TMEM131: variants seen among roughly 807,000 people sequenced by gnomAD.
TMEM131 encodes the protein transmembrane protein 131, also known as 2610524E03Rik.
Under a neutral mutation model 211.6 loss-of-function variants are expected in TMEM131, and 66 were observed. The ratio of observed to expected loss-of-function variants is 0.31; its 90% confidence interval spans 0.26 to 0.38. TMEM131 has a LOEUF of 0.38. TMEM131 is among the 10% of genes least tolerant of loss of function. The pLI is 1.00. For missense variants in TMEM131, 2,036 were observed against 2,299.3 expected (o/e 0.89, Z 2.34); for synonymous variants, 844 against 841.3 (o/e 1.00, Z -0.06).
At chr2:97,759,294 A>G (rs1032579463) in intron 39 of TMEM131, 2 of 565,550 alleles carry the variant, frequency 3.5e-6, no homozygotes, top group East Asian at 5.9e-5. Flanking sequence ...CCACTCTCAC[A>G]TGATAGCTAA....
intron 12 of TMEM131, 58 bp downstream of exon 12, chr2:97,818,555 G>A: frequency 1.8e-6 from 2 of 1,130,860 alleles, no homozygotes. Context: ...TAATACAGAT[G>A]CTTTCTAGTT....
At chr2:97,932,604 A>G (rs992331088) in intron 1 of TMEM131, among the ~76,000 whole-genome samples, 4 of 152,222 alleles carry the variant, frequency 2.6e-5, no homozygotes, top group Non-Finnish European at 4.4e-5. Context: ...AAGACAAAAT[A>G]CCATAATTAA....
chr2:97,798,687 T>G (rs1005321369), intron 25 of TMEM131, among the ~76,000 whole-genome samples: 35 of 152,244 alleles, frequency 2.3e-4, no homozygotes, highest in African/African-American at 8.4e-4. Context: ...TTTTGCATCC[T>G]GAAAACTGTA....
intron 39 of TMEM131, chr2:97,759,414 C>A (rs538877659): frequency 1.1e-5 from 6 of 536,286 alleles, no homozygotes; most frequent in Non-Finnish European, 2.0e-5. Context: ...CTTCAATACC[C>A]GCCATGGAAC....
At chr2:97,894,370 T>C (rs1340456218) in intron 3 of TMEM131, among the ~76,000 whole-genome samples, 1 of 152,222 alleles carries the variant, frequency 6.6e-6, no homozygotes, top group East Asian at 1.9e-4. Flanking sequence ...TGGGTTCTTT[T>C]TTCGTTCCAT....
intron 1 of TMEM131, among the ~76,000 whole-genome samples, chr2:97,992,444 C>A (rs1450187303): frequency 6.6e-6 from 1 of 152,136 alleles, no homozygotes; most frequent in Non-Finnish European, 1.5e-5. Context: ...GGCTGTCAAA[C>A]GTTACCCTGC....
chr2:97,929,177 T>TA (rs1677115481), intron 1 of TMEM131, among the ~76,000 whole-genome samples: 1 of 150,212 alleles, frequency 6.7e-6, no homozygotes, highest in Admixed American at 6.6e-5. Context: ...AAGTAAAAAA[T>TA]AGAGAAAACC....
At chr2:97,830,637 G>A (rs746288141) in intron 11 of TMEM131, among the ~76,000 whole-genome samples, 5 of 152,192 alleles carry the variant, frequency 3.3e-5, no homozygotes, top group Non-Finnish European at 5.9e-5. Context: ...ATTACCAAGG[G>A]AAACCTCATG....
intron 1 of TMEM131, among the ~76,000 whole-genome samples, chr2:97,974,174 A>AT (rs1474355576): frequency 6.6e-6 from 1 of 152,216 alleles, no homozygotes; most frequent in Admixed American, 6.5e-5. Context: ...ATACTTCCAG[A>AT]GATGAAACCA....
At chr2:97,940,636 G>T (rs146901214) in intron 1 of TMEM131, among the ~76,000 whole-genome samples, 1 of 151,848 alleles carries the variant, frequency 6.6e-6, no homozygotes, top group Non-Finnish European at 1.5e-5. Flanking sequence ...GTGAAACCCC[G>T]TCTCTACTAA....
chr2:97,766,686 A>G lies in TMEM131; in HGVS notation c.4449-84T>C, dbSNP rs371559346. ...GTCATTAAGATTGTAATTCTTCTAC[A>G]ATACAACTGCATGCAGGAAGCTAAT... is the stretch of plus-strand genomic sequence containing the variant. On this transcript the variant is annotated intron_variant, in intron 33 of 40. Transcript: ENST00000186436. The G allele has an allele frequency of 8.6e-6, 13 of 1,519,758 alleles. No individual in the cohort carries two copies. In the African/African-American group the frequency reaches 1.2e-4, roughly 14 times the overall value. 94.1% of individuals were successfully genotyped at this position (1,519,758 alleles called of 1,614,324 possible).
chr2:97,804,698 G>C (rs1681207337), intron 22 of TMEM131, among the ~76,000 whole-genome samples: 1 of 150,716 alleles, frequency 6.6e-6, no homozygotes, highest in Non-Finnish European at 1.5e-5. Flanking sequence ...CTTGTACCAA[G>C]TGCCTAGGTG....
chr2:97,822,597 T>C (rs1351808934), intron 11 of TMEM131, among the ~76,000 whole-genome samples: 1 of 152,168 alleles, frequency 6.6e-6, no homozygotes, highest in East Asian at 1.9e-4. Context: ...CTTTGTGGTA[T>C]AGGAGGACAG....
rs141675984 is a variant in TMEM131, at chr2:97,857,060, T to C, written c.483+2244A>G. Among the ~76,000 whole-genome samples the C allele has an allele frequency of 5.4e-3, 821 of 152,356 alleles. 2 individuals are homozygous for C. Among genetic ancestry groups the C allele is most frequent in the South Asian group, 0.014 (67 of 4,826 alleles). On this transcript the variant is annotated intron_variant, in intron 5 of 40. Coordinates refer to ENST00000186436, the MANE Select transcript of TMEM131 (RefSeq NM_015348.2). ...AACTATTCTCTTTGCCTAACATTCATATATAGAAATAGTCCCTGGGAGAGT... is the reference window on the plus strand; with the variant it reads ...AACTATTCTCTTTGCCTAACATTCACATATAGAAATAGTCCCTGGGAGAGT...
At chr2:97,888,648 T>C (rs1338370820) in intron 3 of TMEM131, among the ~76,000 whole-genome samples, 1 of 152,222 alleles carries the variant, frequency 6.6e-6, no homozygotes, top group Non-Finnish European at 1.5e-5. Flanking sequence ...CTGGCCTCCA[T>C]ATTACAGTAG....
chr2:97,893,578 G>A (rs1015457456), intron 3 of TMEM131, among the ~76,000 whole-genome samples: 13 of 152,148 alleles, frequency 8.5e-5, no homozygotes, highest in African/African-American at 2.4e-4. Context: ...TTTAATGATC[G>A]CCATTCTAAC....
chr2:97,953,183 C>T (rs1266466557), intron 1 of TMEM131, among the ~76,000 whole-genome samples: 1 of 152,146 alleles, frequency 6.6e-6, no homozygotes, highest in African/African-American at 2.4e-5. Flanking sequence ...ACAAACTTAA[C>T]ATCTGCTGTG....
intron 31 of TMEM131, among the ~76,000 whole-genome samples, chr2:97,787,997 T>C (rs539111976): frequency 3.9e-5 from 6 of 152,338 alleles, no homozygotes; most frequent in African/African-American, 1.2e-4. Context: ...GTTCTCTATC[T>C]GTGAGGTTCC....
At chr2:97,774,822 T>G (rs1679638554) in intron 32 of TMEM131, among the ~76,000 whole-genome samples, 1 of 152,240 alleles carries the variant, frequency 6.6e-6, no homozygotes, top group Non-Finnish European at 1.5e-5. Context: ...TGAAGTAATT[T>G]GTTAAAGTGC....
Sources: gnomAD v4.1 joint callset for allele counts (sites outside exome capture counted in the v4.1 genomes callset) on GRCh38, gnomAD v4.1.1 for gene constraint, MANE v1.5 for transcripts, NCBI Gene and HGNC (gene_info 2026-07-23, HGNC 2026-07-21) for gene names.